The following FAM107B variants were observed in gnomAD, a reference collection of about 807,000 sequenced individuals.
FAM107B encodes the protein family with sequence similarity 107 member B.
A neutral mutation model predicts 31.5 loss-of-function variants in FAM107B; 21 were observed. The observed-to-expected ratio is 0.67, with a 90% CI of 0.47 to 0.96. The LOEUF (loss-of-function observed/expected upper bound fraction) is 0.96. FAM107B is among the 40% of genes least tolerant of loss of function. The probability of loss-of-function intolerance (pLI) is 0.00; values close to 1 mark genes in which losing one functional copy is unlikely to be tolerated. For missense variants in FAM107B, 452 were observed against 377.1 expected (o/e 1.20, Z -1.64); for synonymous variants, 157 against 141.5 (o/e 1.11, Z -0.78).
At chr10:14,567,711 T>C (rs924128173) in intron 2 of FAM107B, among the ~76,000 whole-genome samples, 1 of 151,872 alleles carries the variant, frequency 6.6e-6, no homozygotes, top group Non-Finnish European at 1.5e-5. Flanking sequence ...AGCAGAGGGG[T>C]TGGAAAGGGA....
intron 2 of FAM107B, among the ~76,000 whole-genome samples, chr10:14,570,871 T>C (rs940724234): frequency 6.6e-6 from 1 of 152,062 alleles, no homozygotes; most frequent in African/African-American, 2.4e-5. Context: ...TCATTTTTTT[T>C]TTTTTTTAAT....
intron 1 of FAM107B, among the ~76,000 whole-genome samples, chr10:14,691,190 C>A (rs1047037728): frequency 1.8e-4 from 28 of 152,192 alleles, no homozygotes; most frequent in Middle Eastern, 3.4e-3. Context: ...CATGAGCCCC[C>A]GTACCCAGCC....
At position 14,538,195 on chromosome 10, in the gene FAM107B, T is replaced by C. The variant is rs191450356; in HGVS notation, c.470-7680A>G. Among the ~76,000 whole-genome samples, 8 of 152,280 alleles carry C rather than the reference T, an allele frequency of 5.3e-5. No homozygotes were observed. In the East Asian group the frequency reaches 9.6e-4, roughly 18 times the overall value. On this transcript the variant is annotated intron_variant, in intron 2 of 4. Coordinates refer to ENST00000181796, the MANE Select transcript of FAM107B (RefSeq NM_031453.4). Reference sequence around the variant, plus strand: ...AGAAAACATCTTGCAAAGGATGACATTAAAGTGAGATGGGAGGCAGGAAAG... The same window carrying C: ...AGAAAACATCTTGCAAAGGATGACACTAAAGTGAGATGGGAGGCAGGAAAG...
chr10:14,688,727 G>C (rs974290919), intron 1 of FAM107B, among the ~76,000 whole-genome samples: 15 of 152,142 alleles, frequency 9.9e-5, no homozygotes, highest in African/African-American at 3.6e-4. Context: ...TCGGTAAACA[G>C]AGCTTCCATT....
intron 2 of FAM107B, among the ~76,000 whole-genome samples, chr10:14,644,410 T>C (rs1402322611): frequency 6.6e-6 from 1 of 152,230 alleles, no homozygotes; most frequent in Non-Finnish European, 1.5e-5. Context: ...GAGCTGGGAT[T>C]TGCATCCAGC....
At chr10:14,758,851 G>A (rs1402452787) in intron 1 of FAM107B, among the ~76,000 whole-genome samples, 2 of 136,530 alleles carry the variant, frequency 1.5e-5, no homozygotes, top group East Asian at 2.1e-4. Flanking sequence ...TCCAGCCTGG[G>A]CAACAAAGCA....
chr10:14,615,619 C>A (rs370540845), intron 2 of FAM107B, among the ~76,000 whole-genome samples: 3 of 152,246 alleles, frequency 2.0e-5, no homozygotes, highest in African/African-American at 7.2e-5. Flanking sequence ...AGGTCTGCCA[C>A]AAGGCCTTCC....
chr10:14,657,913 A>G (rs1056611235), intron 2 of FAM107B, among the ~76,000 whole-genome samples: 8 of 151,740 alleles, frequency 5.3e-5, no homozygotes, highest in Non-Finnish European at 1.0e-4. Context: ...CAGACTCAAG[A>G]GATCCTCCCA....
intron 1 of FAM107B, among the ~76,000 whole-genome samples, chr10:14,672,474 G>T (rs577116783): frequency 1.8e-4 from 28 of 152,242 alleles, no homozygotes; most frequent in African/African-American, 6.5e-4. Context: ...TCAAACAAAT[G>T]GACTTTTCAT....
intron 2 of FAM107B, among the ~76,000 whole-genome samples, chr10:14,626,366 C>T (rs945577900): frequency 2.0e-5 from 3 of 152,038 alleles, no homozygotes; most frequent in African/African-American, 4.8e-5. Flanking sequence ...GTCTAAGAGC[C>T]GGAAATGTTG....
chr10:14,534,378 G>C (rs563342827), intron 2 of FAM107B, among the ~76,000 whole-genome samples: 99 of 152,132 alleles, frequency 6.5e-4, no homozygotes, highest in African/African-American at 2.4e-3. Context: ...CCCCGCCCTG[G>C]AGCTGTGACT....
At chr10:14,560,249 C>T (rs1174380651) in intron 2 of FAM107B, among the ~76,000 whole-genome samples, 2 of 152,048 alleles carry the variant, frequency 1.3e-5, no homozygotes, top group Non-Finnish European at 2.9e-5. Flanking sequence ...AACAAGTGCC[C>T]ATCAAAGGCT....
At chr10:14,686,677 C>G (rs1314110264) in intron 1 of FAM107B, among the ~76,000 whole-genome samples, 1 of 152,208 alleles carries the variant, frequency 6.6e-6, no homozygotes, top group Non-Finnish European at 1.5e-5. Flanking sequence ...AGACTCCAGG[C>G]CTGGCAACCC....
At chr10:14,642,356 G>C (rs1018366898) in intron 2 of FAM107B, among the ~76,000 whole-genome samples, 3 of 152,214 alleles carry the variant, frequency 2.0e-5, no homozygotes, top group Admixed American at 2.0e-4. Flanking sequence ...CAAAGCTTCA[G>C]GTAGGGGCTT....
At position 14,694,603 on chromosome 10, in the gene FAM107B, C is replaced by A. The variant is rs182283802; in HGVS notation, c.412-26912G>T. The stretch of plus-strand genomic sequence containing the variant: ...TCTCCATGTTGGTCAGGGCTGGCCT[C>A]GAACTCCTGACCTCAGGTGATCTGC... On this transcript the variant is annotated intron_variant, in intron 1 of 4. Coordinates refer to ENST00000181796, the MANE Select transcript of FAM107B (RefSeq NM_031453.4). Among the ~76,000 whole-genome samples the A allele has an allele frequency of 7.8e-4, 119 of 152,304 alleles. 1 individual carries two copies. Among genetic ancestry groups the A allele is most frequent in the Non-Finnish European group, 6.5e-4 (44 of 68,018 alleles).
intron 2 of FAM107B, among the ~76,000 whole-genome samples, chr10:14,617,278 A>G (rs191370866): frequency 6.6e-6 from 1 of 152,234 alleles, no homozygotes; most frequent in African/African-American, 2.4e-5. Context: ...CTTGCTAGCA[A>G]TTGTTGCATA....
chr10:14,769,214 G>A (rs1025380210), intron 1 of FAM107B, among the ~76,000 whole-genome samples: 4 of 152,170 alleles, frequency 2.6e-5, no homozygotes, highest in African/African-American at 7.2e-5. Context: ...AGGCTCAGAC[G>A]CTCAGTAACC....
intron 2 of FAM107B, among the ~76,000 whole-genome samples, chr10:14,632,534 C>A (rs573841776): frequency 1.0e-4 from 15 of 150,630 alleles, no homozygotes; most frequent in Admixed American, 2.6e-4. Flanking sequence ...TGGCGTGAAC[C>A]CGGGAGGCGG....
intron 2 of FAM107B, among the ~76,000 whole-genome samples, chr10:14,629,931 G>A (rs889818933): frequency 1.3e-5 from 2 of 151,996 alleles, no homozygotes; most frequent in African/African-American, 4.8e-5. Flanking sequence ...CTAAAAAACC[G>A]TGTAAATCAC....
Sources: allele counts gnomAD v4.1 joint callset (sites outside exome capture counted in the v4.1 genomes callset), GRCh38; gene constraint gnomAD v4.1.1; transcripts MANE v1.5; gene names NCBI Gene and HGNC (gene_info 2026-07-23, HGNC 2026-07-21).